Variants in PLCH1 observed in about 807,000 individuals in gnomAD.
PLCH1 encodes the protein 1-phosphatidylinositol 4,5-bisphosphate phosphodiesterase eta-1.
PLCH1 carries 60 observed loss-of-function variants against 126.7 expected under a neutral mutation model. That is an observed-to-expected ratio of 0.47 (90% CI 0.38 to 0.59). PLCH1 has a LOEUF of 0.59. PLCH1 is among the 20% of genes least tolerant of loss of function. The pLI, the probability that PLCH1 is intolerant of heterozygous loss-of-function variation, is 0.00. For synonymous variants in PLCH1, 719 were observed against 734.9 expected (o/e 0.98, Z 0.35); for missense variants, 1,723 against 2,040.0 (o/e 0.84, Z 2.99).
At position 155,609,898 on chromosome 3, in the gene PLCH1, T is replaced by C. The variant is rs1734823484; in HGVS notation, c.80-13520A>G. Among the ~76,000 whole-genome samples the C allele has an allele frequency of 2.0e-5, 3 of 152,108 alleles. No individual in the cohort carries two copies. The South Asian group carries it at 6.2e-4, about 32-fold the overall frequency. On this transcript the variant is annotated intron_variant, in intron 2 of 22. Coordinates refer to ENST00000460012, the MANE Select transcript of PLCH1 (RefSeq NM_014996.4). ...AGCTTCCAAGTAATTTGGAATTATG[T>C]TAAATGACTAACCCTAAGAATAATT...
intron 9 of PLCH1, among the ~76,000 whole-genome samples, chr3:155,551,756 T>C (rs977521528): frequency 2.0e-5 from 3 of 148,484 alleles, no homozygotes; most frequent in South Asian, 2.1e-4. Flanking sequence ...AACCCTGATA[T>C]AAAGATGCAA....
intron 21 of PLCH1, among the ~76,000 whole-genome samples, chr3:155,474,064 A>G (rs973988692): frequency 2.6e-5 from 4 of 152,188 alleles, no homozygotes; most frequent in Non-Finnish European, 5.9e-5. Context: ...ACAAAAGCCA[A>G]CATTGACAAA....
chr3:155,560,887 C>G (rs1727492653), intron 8 of PLCH1, among the ~76,000 whole-genome samples: 1 of 152,158 alleles, frequency 6.6e-6, no homozygotes, highest in African/African-American at 2.4e-5. Flanking sequence ...TCCTCAACCT[C>G]CTTACCCTGG....
intron 1 of PLCH1, among the ~76,000 whole-genome samples, chr3:155,724,818 TGTG>T (rs1250198864): frequency 8.8e-5 from 10 of 114,070 alleles, no homozygotes; most frequent in African/African-American, 3.8e-4. Flanking sequence ...GGGTTTTGTG[TGTG>T]TGTGTGTGTG....
At position 155,481,167 on chromosome 3, in the gene PLCH1, C is replaced by A. The variant is rs779751853; in HGVS notation, c.4859G>T (p.Arg1620Leu). 1.9e-6 allele frequency: 3 copies of A among 1,614,188 alleles called. No homozygotes were observed. The highest frequency in any genetic ancestry group is 2.5e-6 in the Non-Finnish European group (3 of 1,180,030). Residue 1620 changes from arginine (R) to leucine (L), a missense_variant, in exon 23 of 23, where the codon CGC (arginine) becomes CTC (leucine). Arg to Leu is a moderately radical substitution (Grantham distance 102). Around this residue, in one of 2 missense-constraint regions of PLCH1, gnomAD observed 947 missense variants for 977.1 expected, o/e 0.97. Coordinates refer to ENST00000460012, the MANE Select transcript of PLCH1 (RefSeq NM_014996.4). This position sits in a 1 kb window ranked among gnomAD's most constrained non-coding sequence, Gnocchi z 4.2. ...TGCGATGTAGGAGCCGGTGGAGTGG[C>A]GATTCACTGCAGGGGTGGGTGCTGA... ...KPSAPTPAVN[R>L]HSTGSYIAGY...
chr3:155,596,505 A>C lies in PLCH1; in HGVS notation c.80-127T>G. On this transcript the variant is annotated intron_variant, in intron 2 of 22. Coordinates refer to ENST00000460012, the MANE Select transcript of PLCH1 (RefSeq NM_014996.4). ...CTCCAAGGACCAGAACAAATTTGGT[A>C]GAGGTAATCTGAAAAGTGAGTTGTT... 3.1e-6 allele frequency: 2 copies of C among 643,218 alleles called. 1 individual carries two copies. The highest frequency in any genetic ancestry group is 5.0e-6 in the Non-Finnish European group (2 of 402,120). The allele number at this position is 643,218 out of a possible 1,614,324, so 39.8% of individuals were successfully genotyped here.
intron 12 of PLCH1, among the ~76,000 whole-genome samples, chr3:155,505,212 T>TC (rs1718478707): frequency 1.3e-5 from 2 of 152,204 alleles, no homozygotes; most frequent in South Asian, 4.1e-4. Context: ...TTGAAATAAT[T>TC]CCCTCTGTGA....
chr3:155,658,095 ACT>A (rs932615740), intron 2 of PLCH1: 1 of 216,496 alleles, frequency 4.6e-6, no homozygotes, highest in Admixed American at 4.2e-5. Context: ...AGGTGGTTAA[ACT>A]CTGCAAAATG....
At chr3:155,654,364 T>C (rs1413636142) in intron 2 of PLCH1, among the ~76,000 whole-genome samples, 3 of 152,124 alleles carry the variant, frequency 2.0e-5, no homozygotes, top group Admixed American at 6.5e-5. Context: ...AAATACGTGA[T>C]GATTCCCTAA....
intron 2 of PLCH1, among the ~76,000 whole-genome samples, chr3:155,636,688 G>A (rs914130948): frequency 6.6e-6 from 1 of 151,598 alleles, no homozygotes; most frequent in African/African-American, 2.4e-5. Context: ...GGAGGTTGCA[G>A]TGAACCGAGA....
chr3:155,502,893 T>A (rs1718114141), intron 13 of PLCH1, among the ~76,000 whole-genome samples: 1 of 152,234 alleles, frequency 6.6e-6, no homozygotes, highest in Non-Finnish European at 1.5e-5. Flanking sequence ...ACTAGCCTAC[T>A]AACAAATTAT....
At chr3:155,557,152 C>A (rs762496868) in intron 8 of PLCH1, among the ~76,000 whole-genome samples, 1 of 152,182 alleles carries the variant, frequency 6.6e-6, no homozygotes, top group African/African-American at 2.4e-5. Flanking sequence ...GTATCAACAA[C>A]ATCTTCTCAC....
At chr3:155,659,790 C>A (rs544540314) in intron 2 of PLCH1, among the ~76,000 whole-genome samples, 3 of 151,988 alleles carry the variant, frequency 2.0e-5, no homozygotes, top group Non-Finnish European at 4.4e-5. Context: ...TGAGCCACTG[C>A]GCTCAGCTAA....
At chr3:155,558,638 A>C (rs967087081) in intron 8 of PLCH1, among the ~76,000 whole-genome samples, 2 of 152,206 alleles carry the variant, frequency 1.3e-5, no homozygotes, top group Admixed American at 6.5e-5. Flanking sequence ...TTACTGTATC[A>C]CCTTTCCTCT....
At chr3:155,486,812 C>T (rs779642418) in intron 21 of PLCH1, 1 of 152,202 alleles carries the variant, frequency 6.6e-6, no homozygotes, top group Non-Finnish European at 1.5e-5. Flanking sequence ...GCGTGAGCCA[C>T]CGCGCCTGGC....
chr3:155,511,361 A>C (rs1429272953), intron 12 of PLCH1, among the ~76,000 whole-genome samples: 1 of 129,308 alleles, frequency 7.7e-6, no homozygotes, highest in Admixed American at 7.3e-5. Flanking sequence ...AGCTCGTCAA[A>C]ATCATTCTCC....
intron 21 of PLCH1, among the ~76,000 whole-genome samples, chr3:155,487,631 A>G (rs1715454407): frequency 6.6e-6 from 1 of 152,250 alleles, no homozygotes; most frequent in South Asian, 2.1e-4. Context: ...ATCACAGCCC[A>G]GTTAGTACAG....
intron 4 of PLCH1, among the ~76,000 whole-genome samples, chr3:155,592,759 C>T (rs199821855): frequency 2.0e-5 from 3 of 152,204 alleles, no homozygotes; most frequent in East Asian, 1.9e-4. Context: ...ACTGTTAGTA[C>T]GGTTTCTGAT....
chr3:155,623,753 A>G (rs1427577504), intron 2 of PLCH1, among the ~76,000 whole-genome samples: 2 of 152,212 alleles, frequency 1.3e-5, no homozygotes, highest in African/African-American at 4.8e-5. Context: ...TCTGAAATTG[A>G]GGCAGTAATT....
Sources: gnomAD v4.1 joint callset for allele counts (sites outside exome capture counted in the v4.1 genomes callset) on GRCh38, gnomAD v4.1.1 for gene constraint, gnomAD v4.1.1 regional missense constraint, Gnocchi (gnomAD v3.1) non-coding constraint, MANE v1.5 for transcripts, NCBI Gene and HGNC (gene_info 2026-07-23, HGNC 2026-07-21) for gene names.